Variants in KDM2B observed in about 807,000 individuals in gnomAD.
KDM2B encodes lysine-specific demethylase 2B.
Under a neutral mutation model 150.0 loss-of-function variants are expected in KDM2B, and 26 were observed. The observed-to-expected ratio is 0.17, with a 90% CI of 0.13 to 0.24. The LOEUF (loss-of-function observed/expected upper bound fraction) is 0.24, where lower values mean the gene tolerates loss of function less well. Ranked by LOEUF, KDM2B falls within the 10% of genes least tolerant of loss-of-function variation. The probability of loss-of-function intolerance (pLI) is 1.00; values close to 1 mark genes in which losing one functional copy is unlikely to be tolerated. For synonymous variants in KDM2B, 734 were observed against 729.5 expected (o/e 1.01, Z -0.10); for missense variants, 1,265 against 1,816.9 (o/e 0.70, Z 5.52).
chr12:121,470,974 T>C (rs1401732502), intron 12 of KDM2B, among the ~76,000 whole-genome samples: 1 of 152,228 alleles, frequency 6.6e-6, no homozygotes, highest in Non-Finnish European at 1.5e-5. Context: ...TCCTGACACC[T>C]CTTACAAATT....
At chr12:121,550,173 G>T (rs1889375332) in intron 4 of KDM2B, among the ~76,000 whole-genome samples, 1 of 152,138 alleles carries the variant, frequency 6.6e-6, no homozygotes, top group Non-Finnish European at 1.5e-5. Flanking sequence ...AGCCGGGCGT[G>T]GTGGCTCACG....
In KDM2B at chr12:121,533,897, G is replaced by A. The variant is rs1187858421; in HGVS notation, c.777+600C>T. Among the ~76,000 whole-genome samples the A allele has an allele frequency of 2.0e-5, 3 of 152,200 alleles. No homozygotes were observed. Among genetic ancestry groups the A allele is most frequent in the East Asian group, 1.9e-4 (1 of 5,196 alleles). On this transcript the variant is annotated intron_variant, in intron 7 of 22. Transcript: ENST00000377071. The surrounding 1 kb of genome is among the most constrained non-coding windows in gnomAD (Gnocchi z 4.1). The stretch of plus-strand genomic sequence containing the variant: ...TGGAAGACCAAGACGAGAGGATCAC[G>A]TGAGCCCAGGACTTTGAGAACAAGT...
chr12:121,411,524 AC>A, the KDM2B span, among the ~76,000 whole-genome samples: 1 of 152,176 alleles, frequency 6.6e-6, no homozygotes, highest in African/African-American at 2.4e-5. Flanking sequence ...TCATTGTAAA[AC>A]TATCCCTGAT....
chr12:121,425,056 A>G (rs1308422340), downstream of KDM2B, among the ~76,000 whole-genome samples: 1 of 152,158 alleles, frequency 6.6e-6, no homozygotes, highest in Non-Finnish European at 1.5e-5. Context: ...TCATGCCTGT[A>G]ATCCTAGCAC....
At chr12:121,466,407 C>T (rs1293614388) in intron 12 of KDM2B, among the ~76,000 whole-genome samples, 2 of 152,190 alleles carry the variant, frequency 1.3e-5, no homozygotes, top group Non-Finnish European at 2.9e-5. Flanking sequence ...TAAACACACC[C>T]AGGGCTTTGT....
At chr12:121,524,289 T>C (rs961792625) in intron 8 of KDM2B, among the ~76,000 whole-genome samples, 8 of 152,200 alleles carry the variant, frequency 5.3e-5, no homozygotes, top group Non-Finnish European at 1.2e-4. Context: ...TCTCTGTCGA[T>C]CACAAGGGCT....
chr12:121,491,014 G>A (rs1304273251), intron 12 of KDM2B, among the ~76,000 whole-genome samples: 1 of 152,086 alleles, frequency 6.6e-6, no homozygotes, highest in African/African-American at 2.4e-5. Flanking sequence ...TGCAACCTGG[G>A]AACCCAGAGA....
rs553416260 is a variant in KDM2B at position 121,443,949 on chromosome 12, C to T, written c.2451+63G>A. 127 of 1,553,538 alleles carry T rather than the reference C, an allele frequency of 8.2e-5. 2 individuals carry two copies. The African/African-American group carries it at 1.5e-3, about 18-fold the overall frequency. On this transcript the variant is annotated intron_variant, in intron 16 of 22. Coordinates refer to ENST00000377071, the MANE Select transcript of KDM2B (RefSeq NM_032590.5). The stretch of plus-strand genomic sequence containing the variant: ...CTGCCCACCCCCTGCCCCATCCCTC[C>T]AACCCAGCACCCGGGACCAGCCAGA...
At chr12:121,431,136 G>C (rs1555285413) in intron 22 of KDM2B, among the ~76,000 whole-genome samples, 2 of 128,734 alleles carry the variant, frequency 1.6e-5, no homozygotes, top group Non-Finnish European at 3.5e-5. Context: ...CACCCTTTGT[G>C]CTTTTTTTTT....
intron 22 of KDM2B, among the ~76,000 whole-genome samples, chr12:121,438,772 G>A (rs1371981669): frequency 6.6e-6 from 1 of 151,692 alleles, no homozygotes; most frequent in Non-Finnish European, 1.5e-5. Flanking sequence ...ACTGCGCTGT[G>A]TGAAAAATGT....
chr12:121,427,934 C>G (rs1555284472), downstream of KDM2B, among the ~76,000 whole-genome samples: 1 of 152,204 alleles, frequency 6.6e-6, no homozygotes, highest in East Asian at 1.9e-4. Flanking sequence ...GATGACTTTA[C>G]TGGATATCAG....
intron 12 of KDM2B, among the ~76,000 whole-genome samples, chr12:121,487,836 C>G (rs906304705): frequency 6.6e-6 from 1 of 150,532 alleles, no homozygotes; most frequent in Non-Finnish European, 1.5e-5. Flanking sequence ...CCCTGTGGCA[C>G]GGTGTCGCGA....
At chr12:121,529,844 C>T (rs1213661324) in intron 8 of KDM2B, among the ~76,000 whole-genome samples, 5 of 145,450 alleles carry the variant, frequency 3.4e-5, no homozygotes, top group African/African-American at 5.1e-5. Flanking sequence ...GCAGGAGAAT[C>T]GCTTGAACCC....
intron 4 of KDM2B, among the ~76,000 whole-genome samples, chr12:121,563,168 A>G (rs1382691842): frequency 6.6e-6 from 1 of 152,138 alleles, no homozygotes; most frequent in Non-Finnish European, 1.5e-5. Context: ...AATAAAAAAT[A>G]ACAACAATTA....
chr12:121,421,980 A>C, the KDM2B span, among the ~76,000 whole-genome samples: 3 of 152,344 alleles, frequency 2.0e-5, no homozygotes, highest in Admixed American at 2.0e-4. Context: ...ATGATGTCAC[A>C]GTGGTAGATG....
In KDM2B at chr12:121,580,990, C is replaced by G. The variant is rs1021039996; in HGVS notation, c.-79G>C. On this transcript the variant is annotated 5_prime_UTR_variant, in exon 1 of 23. Transcript: ENST00000377071. ...ATAAGGACTGCCTAACTTTTAAACT[C>G]CCGGCACTCAAAGATGTGGACACAC... is the stretch of plus-strand genomic sequence containing the variant. 3 of 1,547,138 alleles carry G rather than the reference C, an allele frequency of 1.9e-6. No individual in the cohort carries two copies. In the South Asian group the frequency reaches 3.7e-5, roughly 19 times the overall value.
At chr12:121,492,919 A>T (rs1654602909) in intron 12 of KDM2B, among the ~76,000 whole-genome samples, 1 of 151,984 alleles carries the variant, frequency 6.6e-6, no homozygotes, top group Non-Finnish European at 1.5e-5. Flanking sequence ...GTTTTGAGAC[A>T]GGGTCTCAAT....
chr12:121,429,752 CAAT>C lies in KDM2B; in HGVS notation c.*533_*535del. The C allele has an allele frequency of 2.1e-6, 1 of 479,010 alleles. No individual in the cohort carries two copies. Among genetic ancestry groups the C allele is most frequent in the Non-Finnish European group, 3.7e-6 (1 of 273,152 alleles). The allele number at this position is 479,010 out of a possible 1,614,324, so 29.7% of individuals were successfully genotyped here. On this transcript the variant is annotated 3_prime_UTR_variant, in exon 23 of 23. Coordinates refer to ENST00000377071, the MANE Select transcript of KDM2B (RefSeq NM_032590.5). ...ATCAGGAAAATTGGCAATCTCAAAA[CAAT>C]AAAAACACTGGTATGCATTCAAACC...
rs15876 is a variant in KDM2B at position 121,429,689 on chromosome 12, G to A, written c.*599C>T. On this transcript the variant is annotated 3_prime_UTR_variant, in exon 23 of 23. Coordinates refer to ENST00000377071, the MANE Select transcript of KDM2B (RefSeq NM_032590.5). ...GGCACATTTGTAGATGGGTTGTGTC[G>A]ATGAAGTACACGTTAAATTCTCTCC... 0.097 allele frequency: 32,955 copies of A among 339,246 alleles called. 1,935 individuals carry two copies. Among genetic ancestry groups the A allele is most frequent in the South Asian group, 0.22 (3,375 of 15,464 alleles). The allele number at this position is 339,246 out of a possible 1,614,324, so 21.0% of individuals were successfully genotyped here.
Sources: gnomAD v4.1 joint callset for allele counts (sites outside exome capture counted in the v4.1 genomes callset) on GRCh38, gnomAD v4.1.1 for gene constraint, Gnocchi (gnomAD v3.1) non-coding constraint, MANE v1.5 for transcripts, NCBI Gene and HGNC (gene_info 2026-07-23, HGNC 2026-07-21) for gene names.